Variants in CEP192 observed in about 807,000 individuals in gnomAD.
The protein encoded by CEP192 is centrosomal protein of 192 kDa.
Under a neutral mutation model 271.8 loss-of-function variants are expected in CEP192, and 151 were observed. The ratio of observed to expected loss-of-function variants is 0.56; its 90% CI spans 0.49 to 0.64. The LOEUF (loss-of-function observed/expected upper bound fraction) is 0.64. CEP192 is among the 30% of genes least tolerant of loss of function. The probability of loss-of-function intolerance (pLI) is 0.00; values close to 1 mark genes in which losing one functional copy is unlikely to be tolerated. For missense variants in CEP192, 2,910 were observed against 3,020.5 expected, an observed-to-expected ratio of 0.96 and a Z score of 0.86; for synonymous variants, 995 against 1,076.5, an observed-to-expected ratio of 0.92 and a Z score of 1.48.
At chr18:13,036,734 A>G (rs1294379906) in intron 11 of CEP192, among the ~76,000 whole-genome samples, 2 of 152,100 alleles carry the variant, frequency 1.3e-5, no homozygotes, top group East Asian at 3.9e-4. Context: ...TTTCCCAGGG[A>G]GGGCTGAGGT....
chr18:13,067,772 ACATGTTGTGCTAT>A lies in CEP192; in HGVS notation c.4489-58_4489-46del. 23 of 1,436,874 alleles carry A rather than the reference ACATGTTGTGCTAT, an allele frequency of 1.6e-5. 1 individual carries two copies. In the South Asian group the frequency reaches 2.8e-4, roughly 17 times the overall value. 89.0% of individuals were successfully genotyped at this position (1,436,874 alleles called of 1,614,324 possible). A position where few individuals can be genotyped will look rare whatever the true frequency, so the allele number is the denominator to read the frequency against. On this transcript the variant is annotated intron_variant, in intron 21 of 44. Coordinates refer to ENST00000506447, the MANE Select transcript of CEP192 (RefSeq NM_032142.4). ...CTAGAAATGGCAGTGATATGAACAT[ACATGTTGTGCTAT>A]TAATATATTGCTTTTCATAAATCAT...
chr18:12,992,802 C>G (rs533579029), intron 1 of CEP192, among the ~76,000 whole-genome samples: 1 of 152,276 alleles, frequency 6.6e-6, no homozygotes, highest in East Asian at 1.9e-4. Context: ...ATTGTCAGCT[C>G]CCTGAGGGGA....
chr18:13,053,642 G>A (rs2036924772), intron 18 of CEP192, among the ~76,000 whole-genome samples: 1 of 152,138 alleles, frequency 6.6e-6, no homozygotes, highest in Admixed American at 6.5e-5. Context: ...AAATACGGGA[G>A]TTTGAAGGCT....
At chr18:13,055,742 A>T in intron 18 of CEP192, 38 bp from the exon 19 acceptor site, 1 of 1,330,784 alleles carries the variant, frequency 7.5e-7, no homozygotes, top group Non-Finnish European at 1.0e-6. Flanking sequence ...TATTAAGTTT[A>T]TCTGTGGATT....
Position 13,124,963 on chromosome 18 carries a change from C to CT in CEP192, c.*197dup, listed in dbSNP as rs2040834876. On this transcript the variant is annotated 3_prime_UTR_variant, in exon 45 of 45. Coordinates refer to ENST00000506447, the MANE Select transcript of CEP192 (RefSeq NM_032142.4). ...ATCTAGCCCATAGTATTGTACTTAACTTTTACAGGTGAGAAGAGAGTTCTG... is the reference window on the plus strand; with the variant it reads ...ATCTAGCCCATAGTATTGTACTTAACTTTTTACAGGTGAGAAGAGAGTTCTG... The CT allele has an allele frequency of 2.2e-6, 1 of 448,620 alleles. No homozygotes were observed. The highest frequency in any genetic ancestry group is 4.0e-6 in the Non-Finnish European group (1 of 249,124). 27.8% of individuals were successfully genotyped at this position (448,620 alleles called of 1,614,324 possible).
In CEP192 at chr18:13,038,379, A is replaced by T; in HGVS notation, c.1609A>T (p.Ile537Leu). 1 of 1,551,272 alleles carries T rather than the reference A, an allele frequency of 6.4e-7. No individual in the cohort carries two copies. Among genetic ancestry groups the T allele is most frequent in the Non-Finnish European group, 8.7e-7 (1 of 1,146,594 alleles). Residue 537 changes from isoleucine to leucine, a missense_variant, in exon 13 of 45, where the codon ATA (isoleucine) becomes TTA (leucine). Physicochemically the swap from Ile to Leu is conservative, Grantham distance 5. Transcript: ENST00000506447. ...KEHQFIQEEN[I>L]DAHNTSVALG... ...ATAACTTTCTCCCTAGGAAGAAAACATAGATGCTCATAATACTTCGGTTGC... is the reference window on the plus strand; with the variant it reads ...ATAACTTTCTCCCTAGGAAGAAAACTTAGATGCTCATAATACTTCGGTTGC...
At chr18:13,093,938 C>G (rs1449220693) in intron 34 of CEP192, among the ~76,000 whole-genome samples, 1 of 152,152 alleles carries the variant, frequency 6.6e-6, no homozygotes, top group South Asian at 2.1e-4. Context: ...CTTGAGCATT[C>G]CCTGGTAAAA....
chr18:13,099,333 C>A, intron 36 of CEP192, 143 bp from the exon 37 acceptor site: 1 of 535,062 alleles, frequency 1.9e-6, no homozygotes, highest in Non-Finnish European at 3.2e-6. Context: ...CATGTGGGAG[C>A]CGCATGGGAG....
intron 11 of CEP192, among the ~76,000 whole-genome samples, chr18:13,032,712 A>G (rs2035700681): frequency 1.3e-5 from 2 of 152,232 alleles, no homozygotes; most frequent in South Asian, 2.1e-4. Flanking sequence ...TAGCAGCACT[A>G]GTTGTATCAG....
intron 16 of CEP192, 29 bp downstream of exon 16, chr18:13,049,710 A>G (rs767736534): frequency 8.1e-6 from 13 of 1,602,336 alleles, no homozygotes; most frequent in African/African-American, 2.7e-5. Context: ...GGTCACATTC[A>G]TAAAATTACA....
chr18:13,068,438 T>C lies in CEP192; in HGVS notation c.4822+16T>C. 6 of 1,575,108 alleles carry C rather than the reference T, an allele frequency of 3.8e-6. No individual in the cohort carries two copies. The highest frequency in any genetic ancestry group is 5.2e-6 in the Non-Finnish European group (6 of 1,150,830). On this transcript the variant is annotated intron_variant, in intron 24 of 44. Transcript: ENST00000506447. ...AGCTCTTCAGGTATCATGTTTACAC[T>C]GTGTGGGAATTGCTTTAATCTGTAG...
chr18:13,060,351 G>A (rs947619165), intron 21 of CEP192, among the ~76,000 whole-genome samples: 5 of 152,090 alleles, frequency 3.3e-5, no homozygotes, highest in Admixed American at 3.3e-4. Flanking sequence ...TTAAAAAATG[G>A]TACATTTTAT....
chr18:13,020,340 T>G (rs964158160), intron 9 of CEP192, among the ~76,000 whole-genome samples: 1 of 152,210 alleles, frequency 6.6e-6, no homozygotes, highest in South Asian at 2.1e-4. Flanking sequence ...ATATTTGGCC[T>G]TCTGTGTCTG....
intron 15 of CEP192, among the ~76,000 whole-genome samples, chr18:13,044,798 T>C (rs933473182): frequency 1.3e-5 from 2 of 152,188 alleles, no homozygotes; most frequent in Non-Finnish European, 2.9e-5. Flanking sequence ...AAGGTTTTAC[T>C]GGTCTCATTT....
rs528492483 is a variant in CEP192 at position 13,059,362 on chromosome 18, C to A, written c.4488+50C>A. On this transcript the variant is annotated intron_variant, in intron 21 of 44. Transcript: ENST00000506447. ...GTCATACCTGGCATTTTAAAGAAGA[C>A]TGTTTAACCTTAGAAGTAAAATTTG... 1.4e-5 allele frequency: 20 copies of A among 1,448,410 alleles called. No homozygotes were observed. In the South Asian group the frequency reaches 2.5e-4, roughly 18 times the overall value. 89.7% of individuals were successfully genotyped at this position (1,448,410 alleles called of 1,614,324 possible).
At chr18:13,047,360 TACACAC>T (rs35070042) in intron 15 of CEP192, among the ~76,000 whole-genome samples, 3,306 of 150,836 alleles carry the variant, frequency 0.022, 57 homozygotes, top group Non-Finnish European at 0.03. Context: ...CCCTCAAACA[TACACAC>T]ACACACACAC....
chr18:13,028,405 C>G (rs192001663), intron 9 of CEP192, among the ~76,000 whole-genome samples: 88 of 152,344 alleles, frequency 5.8e-4, no homozygotes, highest in Non-Finnish European at 9.7e-4. Flanking sequence ...GAGTGTTACA[C>G]TTAGAAGATG....
chr18:13,040,842 T>C lies in CEP192; in HGVS notation c.1822T>C (p.Tyr608His). The C allele has an allele frequency of 1.3e-6, 2 of 1,585,402 alleles. No homozygotes were observed. The highest frequency in any genetic ancestry group is 1.7e-6 in the Non-Finnish European group (2 of 1,165,484). The change falls in exon 14 of 45, where the codon TAT becomes CAT. Residue 608 changes from tyrosine (Y) to histidine (H), a missense_variant. Physicochemically the swap from Tyr to His is moderately conservative, Grantham distance 83. Transcript: ENST00000506447. ...AATTATTTTGTAGCCATCATTTGGC[T>C]ATTTTATTAGATCACCAGAGAAGAG... is the stretch of plus-strand genomic sequence containing the variant. ...GNNVKRPSFG[Y>H]FIRSPEKREP...
intron 6 of CEP192, among the ~76,000 whole-genome samples, chr18:13,016,159 C>T (rs2034634274): frequency 6.6e-6 from 1 of 152,094 alleles, no homozygotes; most frequent in South Asian, 2.1e-4. Context: ...CCAAATGTGC[C>T]TGGGAATTAT....
Sources: gnomAD v4.1 joint callset for allele counts (sites outside exome capture counted in the v4.1 genomes callset) on GRCh38, gnomAD v4.1.1 for gene constraint, MANE v1.5 for transcripts, NCBI Gene and HGNC (gene_info 2026-07-23, HGNC 2026-07-21) for gene names.